Variants in PDE4A observed in about 807,000 individuals in gnomAD.
The protein encoded by PDE4A is 3',5'-cyclic-AMP phosphodiesterase 4A.
A neutral mutation model predicts 73.9 loss-of-function variants in PDE4A; 21 were observed. The ratio of observed to expected loss-of-function variants is 0.28; its 90% CI spans 0.20 to 0.41. The LOEUF is 0.41. Among genes scored for constraint, PDE4A ranks in the 10% least tolerant of loss-of-function variants. PDE4A has a pLI of 1.00. For missense variants in PDE4A, 958 were observed against 1,211.4 expected (o/e 0.79, Z 3.10); for synonymous variants, 463 against 505.4 (o/e 0.92, Z 1.13).
intron 1 of PDE4A, chr19:10,432,307 G>A: frequency 2.5e-6 from 3 of 1,215,580 alleles, no homozygotes; most frequent in Non-Finnish European, 1.0e-6. Flanking sequence ...GTCCCTGGGG[G>A]GGTCACCAGA....
intron 2 of PDE4A, among the ~76,000 whole-genome samples, chr19:10,446,761 A>G (rs1166100963): frequency 6.6e-6 from 1 of 151,330 alleles, no homozygotes; most frequent in African/African-American, 2.4e-5. Context: ...TGCCTGGCTA[A>G]TTGTGTATTT....
chr19:10,444,670 ATTT>A (rs552364395), intron 1 of PDE4A, among the ~76,000 whole-genome samples: 1 of 135,404 alleles, frequency 7.4e-6, no homozygotes. Context: ...TGTGTCTGAG[ATTT>A]TTTTTTTTTT....
chr19:10,460,346 A>G (rs1205540369), intron 10 of PDE4A, among the ~76,000 whole-genome samples: 1 of 151,974 alleles, frequency 6.6e-6, no homozygotes, highest in Non-Finnish European at 1.5e-5. Flanking sequence ...TAAAAATACA[A>G]AAATTAGCCG....
At chr19:10,437,401 C>T (rs939521931) in intron 1 of PDE4A, among the ~76,000 whole-genome samples, 22 of 151,936 alleles carry the variant, frequency 1.4e-4, no homozygotes, top group African/African-American at 4.8e-4. Context: ...GGATTACAGG[C>T]GTAAGCCACC....
chr19:10,436,551 G>A (rs181955839), intron 1 of PDE4A, among the ~76,000 whole-genome samples: 29 of 130,732 alleles, frequency 2.2e-4, no homozygotes, highest in Non-Finnish European at 2.9e-4. Flanking sequence ...GCGAAACTCC[G>A]TCTCAAAAAA....
rs1298157645 is a variant in PDE4A, at chr19:10,453,244, A to G, written c.784-1585A>G. The G allele has an allele frequency of 6.2e-7, 1 of 1,607,666 alleles. No individual in the cohort carries two copies. The highest frequency in any genetic ancestry group is 1.3e-5 in the African/African-American group (1 of 74,966). Reference sequence around the variant, plus strand: ...CCCAGCCTCTGTGTGCAGCAGCCCCAGGCGGGCTAAGTCTCCAAGATGCCC... The same window carrying G: ...CCCAGCCTCTGTGTGCAGCAGCCCCGGGCGGGCTAAGTCTCCAAGATGCCC... On this transcript the variant is annotated intron_variant, in intron 6 of 14. Transcript: ENST00000380702. The surrounding 1 kb of genome is among the most constrained non-coding windows in gnomAD (Gnocchi z 4.6).
At chr19:10,420,103 T>G (rs2042629056), upstream of PDE4A, 1 of 152,276 alleles carries the variant, frequency 6.6e-6, no homozygotes, top group African/African-American at 2.4e-5. The surrounding 1 kb of genome is among the most constrained non-coding windows in gnomAD (Gnocchi z 6.0). Context: ...CGCCGCCCGC[T>G]GCAGGTACCG....
At chr19:10,450,545 A>G in intron 4 of PDE4A, 58 bp from the exon 5 acceptor site, 6 of 1,543,514 alleles carry the variant, frequency 3.9e-6, no homozygotes, top group Non-Finnish European at 5.2e-6. Context: ...AGCGGGAGGC[A>G]GGGACCTGGT....
At chr19:10,433,692 C>T (rs1380777577) in intron 1 of PDE4A, among the ~76,000 whole-genome samples, 3 of 152,220 alleles carry the variant, frequency 2.0e-5, no homozygotes, top group Non-Finnish European at 2.9e-5. Context: ...CTCAGCCCCC[C>T]AAAGAGCTGT....
At chr19:10,445,770 CAAAA>C (rs368282378) in intron 1 of PDE4A, among the ~76,000 whole-genome samples, 3 of 110,636 alleles carry the variant, frequency 2.7e-5, no homozygotes, top group Admixed American at 9.6e-5. Context: ...GACCATACCT[CAAAA>C]AAAAAAAAAA....
At chr19:10,419,988 A>G (rs923551507), upstream of PDE4A, 2 of 152,796 alleles carry the variant, frequency 1.3e-5, no homozygotes, top group African/African-American at 4.8e-5. Context: ...CCGACACTGA[A>G]AACACAGACA....
In PDE4A at chr19:10,450,817, C is replaced by T. The variant is rs761673244; in HGVS notation, c.671-12C>T. 5.6e-6 allele frequency: 9 copies of T among 1,600,454 alleles called. No individual in the cohort carries two copies. The highest frequency in any genetic ancestry group is 5.2e-5 in the Admixed American group (3 of 57,402). ...ACCTTCTCAGTCACTACCCTGGCTGCCCCTTCCTTAGAAGAAACGTGTCAG... is the reference window on the plus strand; with the variant it reads ...ACCTTCTCAGTCACTACCCTGGCTGTCCCTTCCTTAGAAGAAACGTGTCAG... On this transcript the variant is annotated splice_polypyrimidine_tract_variant and intron_variant, in intron 5 of 14. Coordinates refer to ENST00000380702, the MANE Select transcript of PDE4A (RefSeq NM_001111307.2).
At chr19:10,439,168 G>A (rs1292202157) in intron 1 of PDE4A, among the ~76,000 whole-genome samples, 1 of 151,944 alleles carries the variant, frequency 6.6e-6, no homozygotes, top group Non-Finnish European at 1.5e-5. Flanking sequence ...TGTTTGTTTT[G>A]AGGGTTTTTT....
chr19:10,439,713 C>T (rs527474831), intron 1 of PDE4A, among the ~76,000 whole-genome samples: 24 of 152,152 alleles, frequency 1.6e-4, no homozygotes, highest in East Asian at 3.9e-4. Flanking sequence ...GGCTGAGAGA[C>T]GGGGTGGATG....
chr19:10,417,565 A>T, upstream of PDE4A: 1 of 1,457,170 alleles, frequency 6.9e-7, no homozygotes, highest in South Asian at 1.4e-5. Flanking sequence ...GCCATTAACT[A>T]CTCCCTTAGA....
intron 1 of PDE4A, among the ~76,000 whole-genome samples, chr19:10,429,999 AC>A (rs1265524022): frequency 2.6e-5 from 4 of 151,588 alleles, no homozygotes; most frequent in Non-Finnish European, 5.9e-5. Flanking sequence ...TTTGGTGGGA[AC>A]CTATATTCGG....
intron 2 of PDE4A, 22 bp from the exon 3 acceptor site, chr19:10,448,895 C>G (rs747984924): frequency 6.2e-7 from 1 of 1,613,808 alleles, no homozygotes; most frequent in Admixed American, 1.7e-5. Context: ...GACCCCTGAC[C>G]TGCCTCTGTC....
chr19:10,461,396 T>C, intron 11 of PDE4A, 130 bp from the exon 12 acceptor site: 2 of 1,459,416 alleles, frequency 1.4e-6, no homozygotes, highest in Non-Finnish European at 1.8e-6. Context: ...CGGGCTGGGG[T>C]AGAGCTGACT....
chr19:10,419,054 GTCT>G, upstream of PDE4A: 4 of 586,492 alleles, frequency 6.8e-6, no homozygotes, highest in Non-Finnish European at 8.2e-6. Context: ...AAGACCGGCA[GTCT>G]TTTTTTTTTT....
Sources: allele counts gnomAD v4.1 joint callset (sites outside exome capture counted in the v4.1 genomes callset), GRCh38; gene constraint gnomAD v4.1.1; non-coding constraint Gnocchi (gnomAD v3.1); transcripts MANE v1.5; gene names NCBI Gene and HGNC (gene_info 2026-07-23, HGNC 2026-07-21).